Variants in PLGRKT observed in about 807,000 individuals in gnomAD.
The protein encoded by PLGRKT is plasminogen receptor (KT).
PLGRKT carries 22 observed loss-of-function variants against 18.5 expected under a neutral mutation model. The observed-to-expected ratio is 1.19, with a 90% CI of 0.85 to 1.70. PLGRKT has a LOEUF of 1.70. PLGRKT is among the 40% of genes most tolerant of loss of function. PLGRKT has a pLI of 0.00. For synonymous variants in PLGRKT, 72 were observed against 52.8 expected (o/e 1.36, Z -1.58); for missense variants, 235 against 174.4 (o/e 1.35, Z -1.96).
intron 3 of PLGRKT, among the ~76,000 whole-genome samples, chr9:5,429,419 C>A (rs1311130065): frequency 5.9e-5 from 9 of 152,186 alleles, no homozygotes; most frequent in African/African-American, 2.2e-4. Context: ...AACTGGACGG[C>A]TTAAGCAACA....
chr9:5,411,762 T>G (rs1459914330), intron 3 of PLGRKT, among the ~76,000 whole-genome samples: 2 of 152,260 alleles, frequency 1.3e-5, no homozygotes, highest in Admixed American at 1.3e-4. Flanking sequence ...AACTTAAAAT[T>G]TCATTTTTTC....
rs565128247 is a variant in PLGRKT, at chr9:5,436,583, T to G, written c.-21A>C. ...TTTAGATTTACCTCTTTCTGGGCCT[T>G]GCTCTCCTGGGTCTGGACTTGTAGT... On this transcript the variant is annotated 5_prime_UTR_variant, in exon 2 of 6. Coordinates refer to ENST00000223864, the MANE Select transcript of PLGRKT (RefSeq NM_018465.4). 1 of 152,406 alleles carries G rather than the reference T, an allele frequency of 6.6e-6. No individual in the cohort carries two copies. Among genetic ancestry groups the G allele is most frequent in the Admixed American group, 6.5e-5 (1 of 15,300 alleles). The allele number at this position is 152,406 out of a possible 1,614,324, so 9.4% of individuals were successfully genotyped here.
At chr9:5,399,787 T>C (rs1818121514) in intron 3 of PLGRKT, among the ~76,000 whole-genome samples, 1 of 151,570 alleles carries the variant, frequency 6.6e-6, no homozygotes, top group Non-Finnish European at 1.5e-5. Context: ...GTCAGGAGTT[T>C]GAGACCAGCC....
In PLGRKT at chr9:5,424,701, G is replaced by T. The variant is rs540444308; in HGVS notation, c.81+7196C>A. On this transcript the variant is annotated intron_variant, in intron 3 of 5. Coordinates refer to ENST00000223864, the MANE Select transcript of PLGRKT (RefSeq NM_018465.4). ...ATATATATATATATATACACACAGG[G>T]GGGGGAGAGAGGGAGAGACAGAGAG... Among the ~76,000 whole-genome samples, 122 of 122,404 alleles carry T rather than the reference G, an allele frequency of 1.0e-3. 1 individual carries two copies. In the East Asian group the frequency reaches 0.016, roughly 16 times the overall value. The allele number at this position is 122,404 out of a possible 152,430, so 80.3% of individuals were successfully genotyped here.
At chr9:5,416,737 G>C (rs553429597) in intron 3 of PLGRKT, among the ~76,000 whole-genome samples, 2 of 152,316 alleles carry the variant, frequency 1.3e-5, no homozygotes, top group South Asian at 4.1e-4. Flanking sequence ...CTGCCCTGGA[G>C]AAGTGTCTGT....
chr9:5,424,668 T>TTTTATATATATATATATATA, intron 3 of PLGRKT, among the ~76,000 whole-genome samples: 1 of 113,160 alleles, frequency 8.8e-6, no homozygotes, highest in East Asian at 2.3e-4. Context: ...ATTATATATT[T>TTTTATATATATATATATATA]TATATATATA....
chr9:5,379,250 C>A (rs1183506481), intron 3 of PLGRKT, among the ~76,000 whole-genome samples: 1 of 152,032 alleles, frequency 6.6e-6, no homozygotes, highest in African/African-American at 2.4e-5. Flanking sequence ...AAAATCTGAT[C>A]AGAAATTACT....
intron 3 of PLGRKT, among the ~76,000 whole-genome samples, chr9:5,422,849 A>C (rs1818603852): frequency 6.6e-6 from 1 of 152,122 alleles, no homozygotes; most frequent in Non-Finnish European, 1.5e-5. Context: ...TTTTTTTTAA[A>C]GTTTTCCTCT....
chr9:5,406,480 G>T (rs1445771745), intron 3 of PLGRKT, among the ~76,000 whole-genome samples: 1 of 152,114 alleles, frequency 6.6e-6, no homozygotes, highest in Non-Finnish European at 1.5e-5. Context: ...GAAGCTGGAA[G>T]CCATTATCCT....
At chr9:5,362,749 G>A (rs1817294937) in intron 3 of PLGRKT, among the ~76,000 whole-genome samples, 2 of 152,160 alleles carry the variant, frequency 1.3e-5, no homozygotes, top group Non-Finnish European at 2.9e-5. Flanking sequence ...ACTGAGGGGA[G>A]TAGCTGGGAG....
intron 3 of PLGRKT, among the ~76,000 whole-genome samples, chr9:5,426,647 A>G (rs73397159): frequency 0.035 from 5,295 of 152,292 alleles, 288 homozygotes; most frequent in African/African-American, 0.12. Flanking sequence ...AGGAGAATCA[A>G]TCCACCATGG....
intron 3 of PLGRKT, among the ~76,000 whole-genome samples, chr9:5,414,636 C>T (rs1025062749): frequency 6.6e-6 from 1 of 152,196 alleles, no homozygotes; most frequent in African/African-American, 2.4e-5. Context: ...GAGAAACTAA[C>T]CTTACTAACT....
At chr9:5,391,537 G>A (rs1341030459) in intron 3 of PLGRKT, among the ~76,000 whole-genome samples, 1 of 151,992 alleles carries the variant, frequency 6.6e-6, no homozygotes, top group African/African-American at 2.4e-5. Context: ...CCTTTGGTCA[G>A]AAGCAGTGAT....
chr9:5,372,180 C>G (rs1290200403), intron 3 of PLGRKT, among the ~76,000 whole-genome samples: 1 of 151,712 alleles, frequency 6.6e-6, no homozygotes, highest in Non-Finnish European at 1.5e-5. Context: ...GGGGTTTCAC[C>G]ATGTTGGCCA....
Position 5,361,826 on chromosome 9 carries a change from C to T in PLGRKT, c.144G>A (p.Ala48=), listed in dbSNP as rs548653930. 1.9e-5 allele frequency: 31 copies of T among 1,611,434 alleles called. No individual in the cohort carries two copies. Among genetic ancestry groups the T allele is most frequent in the Admixed American group, 1.5e-4 (9 of 59,932 alleles). Residue 48 remains alanine (A), a synonymous_variant, in exon 4 of 6, where the codon GCG becomes GCA. Transcript: ENST00000223864. ...AATATTTGAGGAATTCCCGAGACCA[C>T]GCAATCTGCATGGCCATTTGTCTTT... The part of the protein sequence containing the change: ...MRERQMAMQI[A]WSREFLKYFG...
intron 3 of PLGRKT, among the ~76,000 whole-genome samples, chr9:5,396,260 C>T (rs1293522156): frequency 6.6e-6 from 1 of 151,658 alleles, no homozygotes; most frequent in African/African-American, 2.4e-5. Context: ...TGGACACTAA[C>T]AAGAACACAA....
intron 5 of PLGRKT, among the ~76,000 whole-genome samples, chr9:5,359,548 C>A (rs899170561): frequency 2.6e-5 from 4 of 152,106 alleles, no homozygotes; most frequent in African/African-American, 7.2e-5. Flanking sequence ...CGTGAGAGAG[C>A]CTTTCTTCCA....
At position 5,418,106 on chromosome 9, in the gene PLGRKT, C is replaced by T. The variant is rs1270034256; in HGVS notation, c.81+13791G>A. On this transcript the variant is annotated intron_variant, in intron 3 of 5. Coordinates refer to ENST00000223864, the MANE Select transcript of PLGRKT (RefSeq NM_018465.4). The surrounding 1 kb of genome is among the most constrained non-coding windows in gnomAD (Gnocchi z 4.2). ...TTTTGAAAAATCAGAAATTACAGTC[C>T]ATTGAATACATGATTATGAGGATGC... is the stretch of plus-strand genomic sequence containing the variant. Among the ~76,000 whole-genome samples the T allele has an allele frequency of 6.6e-6, 1 of 152,120 alleles. No homozygotes were observed.
At chr9:5,438,117 T>C (rs1332924006), upstream of PLGRKT, among the ~76,000 whole-genome samples, 2 of 152,162 alleles carry the variant, frequency 1.3e-5, no homozygotes, top group Non-Finnish European at 2.9e-5. Flanking sequence ...GAATTCTCAA[T>C]TAAAGGCCTC....
Sources: allele counts gnomAD v4.1 joint callset (sites outside exome capture counted in the v4.1 genomes callset), GRCh38; gene constraint gnomAD v4.1.1; non-coding constraint Gnocchi (gnomAD v3.1); transcripts MANE v1.5; gene names NCBI Gene and HGNC (gene_info 2026-07-23, HGNC 2026-07-21).